Variants in TMEM38B observed in about 807,000 individuals in gnomAD.
The protein encoded by TMEM38B is trimeric intracellular cation channel type B.
A neutral mutation model predicts 28.7 loss-of-function variants in TMEM38B; 24 were observed. That is an observed-to-expected ratio of 0.84 (90% confidence interval 0.61 to 1.18). The LOEUF (loss-of-function observed/expected upper bound fraction) is 1.18. Among genes scored for constraint, TMEM38B ranks in the 50% most tolerant of loss-of-function variants. The probability of loss-of-function intolerance (pLI) is 0.00; values close to 1 mark genes in which losing one functional copy is unlikely to be tolerated. For missense variants in TMEM38B, 380 were observed against 350.9 expected (o/e 1.08, Z -0.66); for synonymous variants, 131 against 127.7 (o/e 1.03, Z -0.17).
chr9:105,770,474 G>T (rs1460034696), intron 5 of TMEM38B, among the ~76,000 whole-genome samples: 1 of 151,988 alleles, frequency 6.6e-6, no homozygotes, highest in Non-Finnish European at 1.5e-5. Context: ...TTTATTCATT[G>T]ATGCATTGAA....
chr9:105,760,266 T>G (rs1837992303), intron 5 of TMEM38B: 1 of 793,590 alleles, frequency 1.3e-6, no homozygotes, highest in Non-Finnish European at 2.3e-6. Flanking sequence ...TACATACCTT[T>G]TCTCGATGTG....
chr9:105,717,465 C>T (rs1179849219), intron 2 of TMEM38B, among the ~76,000 whole-genome samples: 1 of 152,146 alleles, frequency 6.6e-6, no homozygotes, highest in Admixed American at 6.5e-5. Flanking sequence ...AACTCTCTGT[C>T]AGCAGAGAAA....
At chr9:105,768,230 T>C (rs1366715540) in intron 5 of TMEM38B, among the ~76,000 whole-genome samples, 3 of 152,154 alleles carry the variant, frequency 2.0e-5, no homozygotes, top group African/African-American at 7.2e-5. Context: ...GTGGATTACA[T>C]TGATTGATTA....
intron 2 of TMEM38B, among the ~76,000 whole-genome samples, chr9:105,714,426 C>G (rs920896753): frequency 2.0e-5 from 3 of 152,168 alleles, no homozygotes; most frequent in African/African-American, 7.2e-5. Context: ...AAAGTGACAT[C>G]CCAAAGATCC....
chr9:105,710,783 A>C (rs112502415), intron 2 of TMEM38B: 13 of 508,636 alleles, frequency 2.6e-5, no homozygotes, highest in African/African-American at 1.5e-4. Context: ...GCGGGACATG[A>C]AGGCTGCGTG....
chr9:105,707,828 A>T (rs1835733648), intron 2 of TMEM38B, among the ~76,000 whole-genome samples: 1 of 152,180 alleles, frequency 6.6e-6, no homozygotes, highest in Admixed American at 6.5e-5. Flanking sequence ...TATCTCTCAC[A>T]GATTTGTTTA....
intron 1 of TMEM38B, among the ~76,000 whole-genome samples, chr9:105,700,161 A>G (rs1266824737): frequency 1.3e-5 from 2 of 152,196 alleles, no homozygotes; most frequent in Admixed American, 6.6e-5. Context: ...TACATAATTA[A>G]TTTTAGCAAA....
At chr9:105,760,341 A>G (rs1327544991) in intron 5 of TMEM38B, 5 of 772,272 alleles carry the variant, frequency 6.5e-6, no homozygotes, top group Non-Finnish European at 1.2e-5. Context: ...TTTCTTTCTT[A>G]CTGGATCATC....
At chr9:105,746,236 A>G (rs1024797512) in intron 4 of TMEM38B, among the ~76,000 whole-genome samples, 7 of 135,188 alleles carry the variant, frequency 5.2e-5, no homozygotes, top group African/African-American at 1.6e-4. Flanking sequence ...TTCCATTTGT[A>G]TCCTCTTTTA....
At position 105,774,177 on chromosome 9, in the gene TMEM38B, T is replaced by G. The variant is rs1826655844; in HGVS notation, c.*97T>G. Reference sequence around the variant, plus strand: ...TATGTATGTGATGTGAAATGAAGACTATATATATGGAATGGAGGTGACAGA... The same window carrying G: ...TATGTATGTGATGTGAAATGAAGACGATATATATGGAATGGAGGTGACAGA... On this transcript the variant is annotated 3_prime_UTR_variant, in exon 6 of 6. Coordinates refer to ENST00000374692, the MANE Select transcript of TMEM38B (RefSeq NM_018112.3). The G allele has an allele frequency of 1.0e-6, 1 of 969,542 alleles. No individual in the cohort carries two copies. The highest frequency in any genetic ancestry group is 1.7e-5 in the South Asian group (1 of 59,774). The allele number at this position is 969,542 out of a possible 1,614,324, so 60.1% of individuals were successfully genotyped here.
rs528302154 is a variant in TMEM38B, at chr9:105,716,355, C to A, written c.270-5182C>A. On this transcript the variant is annotated intron_variant, in intron 2 of 5. Transcript: ENST00000374692. ...TTATCTGGTATTAGAGATGCCAGAA[C>A]CTCTGTCAGTTGTAGCATTTGTGTG... is the stretch of plus-strand genomic sequence containing the variant. 2.9e-5 allele frequency among the ~76,000 whole-genome samples: 4 copies of A among 137,886 alleles called. No individual in the cohort carries two copies. In the South Asian group the frequency reaches 9.0e-4, roughly 31 times the overall value. 90.5% of individuals were successfully genotyped at this position (137,886 alleles called of 152,430 possible). A position where few individuals can be genotyped will look rare whatever the true frequency, so the allele number is the denominator to read the frequency against.
Position 105,772,664 on chromosome 9 carries a change from A to AT in TMEM38B, c.661-1191dup, listed in dbSNP as rs869215643. On this transcript the variant is annotated intron_variant, in intron 5 of 5. Transcript: ENST00000374692. ...AGTCCATGGGCATGTATTTAAAAAA[A>AT]TTTTTTTTTTAAAAATTGAGTTCAA... 5.3e-5 allele frequency among the ~76,000 whole-genome samples: 8 copies of AT among 151,350 alleles called. No individual in the cohort carries two copies. The South Asian group carries it at 8.4e-4, about 16-fold the overall frequency.
chr9:105,704,258 G>T (rs927342703), intron 1 of TMEM38B, among the ~76,000 whole-genome samples: 2 of 152,226 alleles, frequency 1.3e-5, no homozygotes, highest in South Asian at 4.1e-4. Flanking sequence ...TTAGCCTGGT[G>T]TGGTGGCGCG....
In TMEM38B at chr9:105,776,487, C is replaced by T. The variant is rs1826722194; in HGVS notation, c.*2407C>T. ...TTGTCTATTCCTTAAAGCCCAGACA[C>T]CTTTCCATTAAAATCTACTTCAAAT... On this transcript the variant is annotated 3_prime_UTR_variant, in exon 6 of 6. Transcript: ENST00000374692. The T allele has an allele frequency of 6.6e-6, 1 of 151,964 alleles. No homozygotes were observed. The highest frequency in any genetic ancestry group is 1.5e-5 in the Non-Finnish European group (1 of 67,966). 9.4% of individuals were successfully genotyped at this position (151,964 alleles called of 1,614,324 possible). A position where few individuals can be genotyped will look rare whatever the true frequency, so the allele number is the denominator to read the frequency against.
chr9:105,722,672 AC>A, intron 4 of TMEM38B, 51 bp downstream of exon 4: 1 of 1,465,824 alleles, frequency 6.8e-7, no homozygotes, highest in Non-Finnish European at 9.5e-7. Context: ...CTTAGATCTT[AC>A]CAAATTCCTT....
Position 105,759,649 on chromosome 9 carries a change from T to C in TMEM38B, c.660+11459T>C, listed in dbSNP as rs144222403. On this transcript the variant is annotated intron_variant, in intron 5 of 5. Coordinates refer to ENST00000374692, the MANE Select transcript of TMEM38B (RefSeq NM_018112.3). ...ATCCAGTGTAAAGAGGCATCAATCT[T>C]TTCCAAACATAGAAGGACAAAATAC... The C allele has an allele frequency of 1.2e-3, 1,963 of 1,600,576 alleles. 8 individuals are homozygous for C. The highest frequency in any genetic ancestry group is 4.6e-3 in the South Asian group (416 of 89,986).
chr9:105,757,880 C>T (rs1837889822), intron 5 of TMEM38B, among the ~76,000 whole-genome samples: 1 of 152,118 alleles, frequency 6.6e-6, no homozygotes, highest in Admixed American at 6.5e-5. Context: ...GGAGTATAAA[C>T]AGGAATAAAA....
At chr9:105,724,649 A>G (rs925181561) in intron 4 of TMEM38B, among the ~76,000 whole-genome samples, 1 of 151,674 alleles carries the variant, frequency 6.6e-6, no homozygotes, top group Non-Finnish European at 1.5e-5. Context: ...AAGAAGGTGG[A>G]AAGGCAGTAC....
intron 4 of TMEM38B, among the ~76,000 whole-genome samples, chr9:105,724,065 A>G (rs1471306572): frequency 5.2e-5 from 7 of 134,586 alleles, no homozygotes; most frequent in Admixed American, 1.5e-4. Flanking sequence ...CAAACTCCTG[A>G]CCTCAGGTGA....
Sources: allele counts gnomAD v4.1 joint callset (sites outside exome capture counted in the v4.1 genomes callset), GRCh38; gene constraint gnomAD v4.1.1; transcripts MANE v1.5; gene names NCBI Gene and HGNC (gene_info 2026-07-23, HGNC 2026-07-21).